Variants in WDFY2 observed in about 807,000 individuals in gnomAD.
The protein encoded by WDFY2 is WD repeat and FYVE domain-containing protein 2.
In WDFY2, 36 loss-of-function variants were observed where a neutral mutation model predicts 56.4. That is an observed-to-expected ratio of 0.64 (90% CI 0.49 to 0.84). WDFY2 has a LOEUF of 0.84. Among genes scored for constraint, WDFY2 ranks in the 40% least tolerant of loss-of-function variants. The pLI, the probability that WDFY2 is intolerant of heterozygous loss-of-function variation, is 0.00. For synonymous variants in WDFY2, 176 were observed against 183.7 expected (o/e 0.96, Z 0.34); for missense variants, 444 against 512.2 (o/e 0.87, Z 1.29).
intron 2 of WDFY2, among the ~76,000 whole-genome samples, chr13:51,665,694 T>C (rs1371239972): frequency 6.6e-6 from 1 of 152,114 alleles, no homozygotes; most frequent in East Asian, 1.9e-4. Flanking sequence ...GTATGGAGAA[T>C]AGATCGATCA....
chr13:51,671,927 G>C (rs1370857867), intron 2 of WDFY2, among the ~76,000 whole-genome samples: 1 of 151,808 alleles, frequency 6.6e-6, no homozygotes, highest in Non-Finnish European at 1.5e-5. Flanking sequence ...AGGACTACAG[G>C]TGTGTACCGT....
intron 3 of WDFY2, among the ~76,000 whole-genome samples, chr13:51,695,910 C>T (rs9535735): frequency 0.14 from 20,779 of 152,244 alleles, 1,762 homozygotes; most frequent in South Asian, 0.23. Flanking sequence ...GCCTTGCTGC[C>T]GCCTTGCAGT....
chr13:51,691,473 T>C lies in WDFY2; in HGVS notation c.280-12123T>C, dbSNP rs1481929654. Among the ~76,000 whole-genome samples the C allele has an allele frequency of 4.0e-5, 6 of 150,876 alleles. No homozygotes were observed. In the South Asian group the frequency reaches 8.5e-4, roughly 21 times the overall value. On this transcript the variant is annotated intron_variant, in intron 3 of 11. Coordinates refer to ENST00000298125, the MANE Select transcript of WDFY2 (RefSeq NM_052950.4). ...TAGGGAATCCTTTCCCCATTGCTTG[T>C]TTTTCTCAGGTTTGTCAAAGATCAG...
intron 4 of WDFY2, among the ~76,000 whole-genome samples, chr13:51,717,436 A>G (rs910934522): frequency 5.9e-5 from 9 of 152,064 alleles, no homozygotes; most frequent in Non-Finnish European, 2.9e-5. Flanking sequence ...TAACATTTCT[A>G]GCCTCTGCCT....
intron 3 of WDFY2, among the ~76,000 whole-genome samples, chr13:51,689,225 G>C (rs1223416870): frequency 2.6e-5 from 4 of 152,124 alleles, no homozygotes; most frequent in African/African-American, 7.2e-5. Context: ...GGGGAACCGG[G>C]GGTGGGAGGG....
At chr13:51,595,323 A>G (rs927011266) in intron 1 of WDFY2, among the ~76,000 whole-genome samples, 4 of 152,204 alleles carry the variant, frequency 2.6e-5, no homozygotes, top group Non-Finnish European at 5.9e-5. Flanking sequence ...TAAACTGGCA[A>G]CTAGCAGACT....
intron 3 of WDFY2, among the ~76,000 whole-genome samples, chr13:51,698,548 A>G (rs1257980623): frequency 6.6e-6 from 1 of 152,242 alleles, no homozygotes; most frequent in Non-Finnish European, 1.5e-5. Flanking sequence ...TAAGTCAACA[A>G]CAAATACGGT....
At chr13:51,700,461 G>A (rs991258649) in intron 3 of WDFY2, among the ~76,000 whole-genome samples, 4 of 152,100 alleles carry the variant, frequency 2.6e-5, no homozygotes, top group African/African-American at 7.2e-5. Context: ...CATTTTAATT[G>A]TTCGTGAGTA....
intron 2 of WDFY2, among the ~76,000 whole-genome samples, 168 bp downstream of exon 2, chr13:51,660,831 G>A (rs1174950091): frequency 6.6e-6 from 1 of 152,178 alleles, no homozygotes; most frequent in Non-Finnish European, 1.5e-5. Context: ...TGTAAAGTAA[G>A]AAAATTGTTC....
At chr13:51,688,399 T>A (rs956055330) in intron 3 of WDFY2, among the ~76,000 whole-genome samples, 5 of 152,104 alleles carry the variant, frequency 3.3e-5, no homozygotes, top group Admixed American at 2.6e-4. Flanking sequence ...CTCTCCTGAG[T>A]TTTAATGTCA....
At chr13:51,759,186 A>G (rs1209316306) in intron 11 of WDFY2, among the ~76,000 whole-genome samples, 1 of 152,154 alleles carries the variant, frequency 6.6e-6, no homozygotes, top group Non-Finnish European at 1.5e-5. Context: ...GTCTCAAAAT[A>G]ATTAATTAAT....
At chr13:51,750,930 T>C (rs757627809) in intron 7 of WDFY2, among the ~76,000 whole-genome samples, 9 of 152,136 alleles carry the variant, frequency 5.9e-5, no homozygotes, top group Non-Finnish European at 1.2e-4. Flanking sequence ...TCAAGGATAA[T>C]TTTTTAAAAG....
At chr13:51,718,352 G>A (rs1952406404) in intron 4 of WDFY2, among the ~76,000 whole-genome samples, 1 of 152,048 alleles carries the variant, frequency 6.6e-6, no homozygotes, top group African/African-American at 2.4e-5. Flanking sequence ...CCTTCCACCT[G>A]ATTTCATTTG....
chr13:51,676,896 T>A (rs1406760583), intron 3 of WDFY2, among the ~76,000 whole-genome samples: 1 of 152,198 alleles, frequency 6.6e-6, no homozygotes, highest in Admixed American at 6.5e-5. Context: ...AAAGGTGAAC[T>A]GAGATCCTTC....
intron 5 of WDFY2, among the ~76,000 whole-genome samples, chr13:51,719,893 A>G (rs1952449164): frequency 1.3e-5 from 2 of 152,284 alleles, no homozygotes; most frequent in East Asian, 1.9e-4. Context: ...CAGATTATAT[A>G]GAGGGATATT....
intron 1 of WDFY2, among the ~76,000 whole-genome samples, chr13:51,644,576 A>ATGCAAATAAC (rs1955231551): frequency 6.6e-6 from 1 of 152,234 alleles, no homozygotes; most frequent in South Asian, 2.1e-4. Flanking sequence ...CACCTTGCTG[A>ATGCAAATAAC]TGCAAATAAC....
intron 1 of WDFY2, among the ~76,000 whole-genome samples, chr13:51,616,106 G>T (rs1282010790): frequency 6.6e-6 from 1 of 152,112 alleles, no homozygotes; most frequent in African/African-American, 2.4e-5. Context: ...GCTCAGTAGT[G>T]CATGTTCCTA....
At chr13:51,632,053 A>G (rs1315597423) in intron 1 of WDFY2, among the ~76,000 whole-genome samples, 3 of 152,188 alleles carry the variant, frequency 2.0e-5, no homozygotes, top group African/African-American at 7.2e-5. Context: ...TATAGTATTG[A>G]TAATTCATCT....
chr13:51,696,276 G>A (rs924351959), intron 3 of WDFY2, among the ~76,000 whole-genome samples: 22 of 152,210 alleles, frequency 1.4e-4, no homozygotes, highest in African/African-American at 4.3e-4. Context: ...CATCGCTGAC[G>A]CTGGGAGCTG....
Sources: allele counts gnomAD v4.1 joint callset (sites outside exome capture counted in the v4.1 genomes callset), GRCh38; gene constraint gnomAD v4.1.1; transcripts MANE v1.5; gene names NCBI Gene and HGNC (gene_info 2026-07-23, HGNC 2026-07-21).